The following SLIRP variants were observed in gnomAD, a reference collection of about 807,000 sequenced individuals.
The protein encoded by SLIRP is SRA stem-loop-interacting RNA-binding protein, mitochondrial.
In SLIRP, 12 loss-of-function variants were observed where a neutral mutation model predicts 13.4. That is an observed-to-expected ratio of 0.89 (90% CI 0.57 to 1.45). SLIRP has a LOEUF of 1.45. Among genes scored for constraint, SLIRP ranks in the 40% most tolerant of loss-of-function variants. The pLI, the probability that SLIRP is intolerant of heterozygous loss-of-function variation, is 0.00. For missense variants in SLIRP, 154 were observed against 132.2 expected (o/e 1.17, Z -0.81); for synonymous variants, 55 against 47.1 (o/e 1.17, Z -0.69).
At position 77,708,131 on chromosome 14, in the gene SLIRP, G is replaced by C. The variant is rs1457090032; in HGVS notation, c.20G>C (p.Arg7Thr). The C allele has an allele frequency of 1.9e-6, 3 of 1,614,156 alleles. No homozygotes were observed. The highest frequency in any genetic ancestry group is 2.2e-5 in the East Asian group (1 of 44,878). The change falls in exon 1 of 4, where the codon AGA becomes ACA. Residue 7 changes from arginine (R) to threonine (T), a missense_variant. Physicochemically the swap from Arg to Thr is moderately conservative, Grantham distance 71 (BLOSUM62 -1). Coordinates refer to ENST00000557342, the MANE Select transcript of SLIRP (RefSeq NM_031210.6). The part of the protein sequence containing the change: MAASAA[R>T]GAAALRRSIN... ...CTGAAGATGGCGGCCTCAGCAGCGA[G>C]AGGTGCTGCGGCGCTGCGTAGAAGT... is the stretch of plus-strand genomic sequence containing the variant.
chr14:77,717,004 A>G (rs912601592), intron 3 of SLIRP, among the ~76,000 whole-genome samples: 11 of 152,126 alleles, frequency 7.2e-5, no homozygotes, highest in East Asian at 3.9e-4. Context: ...ACCTCAGGCA[A>G]TCCGCCCACC....
chr14:77,713,485 A>AAGGTGT (rs1225645502), intron 2 of SLIRP, among the ~76,000 whole-genome samples: 1 of 152,200 alleles, frequency 6.6e-6, no homozygotes, highest in Non-Finnish European at 1.5e-5. Flanking sequence ...AGTGCCGGTG[A>AAGGTGT]AGGTGTAGGG....
At chr14:77,712,736 A>G (rs930680606) in intron 2 of SLIRP, among the ~76,000 whole-genome samples, 3 of 152,108 alleles carry the variant, frequency 2.0e-5, no homozygotes, top group East Asian at 1.9e-4. Context: ...GTGAGCCTTC[A>G]TGCCCGGCCA....
In SLIRP at chr14:77,708,224, G is replaced by T. The variant is rs763046143; in HGVS notation, c.97+16G>T. 21 of 1,612,424 alleles carry T rather than the reference G, an allele frequency of 1.3e-5. No homozygotes were observed. In the East Asian group the frequency reaches 2.9e-4, roughly 22 times the overall value. On this transcript the variant is annotated intron_variant, in intron 1 of 3. Coordinates refer to ENST00000557342, the MANE Select transcript of SLIRP (RefSeq NM_031210.6). ...GCGGCGTCGAGTGAGTGATGGAGAT[G>T]TGGGAGTAGTGGAATTTTTAGGTCC...
intron 2 of SLIRP, among the ~76,000 whole-genome samples, chr14:77,715,190 ACT>A: frequency 6.6e-6 from 1 of 152,084 alleles, no homozygotes. Context: ...CTTAGCTATT[ACT>A]GTTAGTATGG....
intron 1 of SLIRP, 98 bp from the exon 2 acceptor site, chr14:77,710,740 C>A: frequency 6.3e-7 from 1 of 1,583,312 alleles, no homozygotes; most frequent in African/African-American, 1.3e-5. Flanking sequence ...CAAAGTAGTT[C>A]CTGTCCACAA....
Position 77,711,124 on chromosome 14 carries a change from C to T in SLIRP, c.156+228C>T, listed in dbSNP as rs1392015069. 5.9e-5 allele frequency among the ~76,000 whole-genome samples: 9 copies of T among 151,348 alleles called. 1 individual carries two copies. The highest frequency in any genetic ancestry group is 1.3e-4 in the Non-Finnish European group (9 of 67,896). On this transcript the variant is annotated intron_variant, in intron 2 of 3. Transcript: ENST00000557342. ...GGATAAATGCTTGAGGGGATAGATA[C>T]CCCATGCTCCATGATGTGCTTAATT... is the stretch of plus-strand genomic sequence containing the variant.
intron 2 of SLIRP, among the ~76,000 whole-genome samples, chr14:77,714,419 G>T (rs536888315): frequency 3.3e-5 from 5 of 152,244 alleles, no homozygotes; most frequent in African/African-American, 1.2e-4. Context: ...CCCTTCCTCA[G>T]TCACCCAGAT....
chr14:77,712,440 ATTTTTTT>A (rs55773743), intron 2 of SLIRP, among the ~76,000 whole-genome samples: 7 of 87,158 alleles, frequency 8.0e-5, no homozygotes, highest in East Asian at 3.0e-4. Flanking sequence ...CGACCGGCTA[ATTTTTTT>A]TTTTTTTTTT....
At position 77,708,321 on chromosome 14, in the gene SLIRP, C is replaced by T. The variant is rs561209364; in HGVS notation, c.97+113C>T. The stretch of plus-strand genomic sequence containing the variant: ...GTGGTGGCTGAATTAGGAGACTGCT[C>T]CTGAGCATGCAAGTGAGCAGAAAGA... On this transcript the variant is annotated intron_variant, in intron 1 of 3. Transcript: ENST00000557342. The T allele has an allele frequency of 8.6e-6, 9 of 1,044,486 alleles. No homozygotes were observed. The East Asian group carries it at 2.2e-4, about 26-fold the overall frequency. 64.7% of individuals were successfully genotyped at this position (1,044,486 alleles called of 1,614,324 possible). A position where few individuals can be genotyped will look rare whatever the true frequency, so the allele number is the denominator to read the frequency against.
chr14:77,711,763 TTA>T, intron 2 of SLIRP: 1 of 152,414 alleles, frequency 6.6e-6, no homozygotes, highest in Non-Finnish European at 1.5e-5. Flanking sequence ...GCCATGTTGC[TTA>T]TGCTGGTCTC....
rs572222883 is a variant in SLIRP at position 77,716,770 on chromosome 14, CTTTTT to C, written c.265-724_265-720del. 3.5e-4 allele frequency among the ~76,000 whole-genome samples: 53 copies of C among 151,234 alleles called. No homozygotes were observed. The South Asian group carries it at 3.8e-3, about 11-fold the overall frequency. ...ACAGTGGACATAACAGTCTACTTTT[CTTTTT>C]TCTTTTTGAGAGTCTTGCTCTTGTT... On this transcript the variant is annotated intron_variant, in intron 3 of 3. Coordinates refer to ENST00000557342, the MANE Select transcript of SLIRP (RefSeq NM_031210.6).
intron 2 of SLIRP, among the ~76,000 whole-genome samples, chr14:77,715,372 G>C (rs1014446985): frequency 1.3e-5 from 2 of 152,126 alleles, no homozygotes; most frequent in Non-Finnish European, 2.9e-5. Flanking sequence ...GGCTGGGCAT[G>C]GTGGCTTATG....
At chr14:77,710,501 G>A (rs1017199595) in intron 1 of SLIRP, 4 of 1,092,262 alleles carry the variant, frequency 3.7e-6, no homozygotes. Flanking sequence ...TCAGTATACC[G>A]GGAAACACAC....
intron 2 of SLIRP, among the ~76,000 whole-genome samples, chr14:77,713,125 G>A (rs1770083620): frequency 6.6e-6 from 1 of 152,138 alleles, no homozygotes; most frequent in South Asian, 2.1e-4. Context: ...ATAAGGACTT[G>A]AGATTTCTAA....
In SLIRP at chr14:77,717,548, AG is replaced by A; in HGVS notation, c.318del (p.Asp108IlefsTer8). ...CTTCCGCAAACATCTGATGATGAAAAGAAAGATTTTTGAGACTGCAGCCTAT... is the reference window on the plus strand; with the variant it reads ...CTTCCGCAAACATCTGATGATGAAAAAAAGATTTTTGAGACTGCAGCCTAT... ...PKLPQTSDDEKKDF is the reference protein window; with the variant it reads ...PKLPQTSDDEXKDF On this transcript the variant is annotated frameshift_variant, in exon 4 of 4. Coordinates refer to ENST00000557342, the MANE Select transcript of SLIRP (RefSeq NM_031210.6). LOFTEE classifies it high-confidence loss of function. 1 of 1,613,820 alleles carries A rather than the reference AG, an allele frequency of 6.2e-7. No individual in the cohort carries two copies. Among genetic ancestry groups the A allele is most frequent in the Non-Finnish European group, 8.5e-7 (1 of 1,179,802 alleles).
intron 2 of SLIRP, among the ~76,000 whole-genome samples, chr14:77,711,526 G>A (rs1257908756): frequency 1.3e-5 from 2 of 151,492 alleles, no homozygotes; most frequent in African/African-American, 2.4e-5. Flanking sequence ...ACAGGGTTTC[G>A]CCATACTGTC....
chr14:77,715,675 G>A lies in SLIRP; in HGVS notation c.157-97G>A, dbSNP rs552920075. The A allele has an allele frequency of 3.5e-5, 36 of 1,022,192 alleles. 1 individual carries two copies. The highest frequency in any genetic ancestry group is 1.1e-4 in the African/African-American group (7 of 61,942). The allele number at this position is 1,022,192 out of a possible 1,614,324, so 63.3% of individuals were successfully genotyped here. A position where few individuals can be genotyped will look rare whatever the true frequency, so the allele number is the denominator to read the frequency against. On this transcript the variant is annotated intron_variant, in intron 2 of 3. Coordinates refer to ENST00000557342, the MANE Select transcript of SLIRP (RefSeq NM_031210.6). ...AAAATAAAATTAAATTAAAAAGTCCGATTTTTGGCAGATGAAAAAGTTGGT... is the reference window on the plus strand; with the variant it reads ...AAAATAAAATTAAATTAAAAAGTCCAATTTTTGGCAGATGAAAAAGTTGGT...
intron 1 of SLIRP, among the ~76,000 whole-genome samples, chr14:77,709,761 T>C (rs1033712078): frequency 6.6e-6 from 1 of 152,228 alleles, no homozygotes; most frequent in South Asian, 2.1e-4. Context: ...ATAAAACATA[T>C]GTTTAACATT....
Sources: gnomAD v4.1 joint callset for allele counts (sites outside exome capture counted in the v4.1 genomes callset) on GRCh38, gnomAD v4.1.1 for gene constraint, MANE v1.5 for transcripts, NCBI Gene and HGNC (gene_info 2026-07-23, HGNC 2026-07-21) for gene names.